MYT1L: variants seen among roughly 807,000 people sequenced by gnomAD.
The protein encoded by MYT1L is myelin transcription factor 1-like protein.
In MYT1L, 12 loss-of-function variants were observed where a neutral mutation model predicts 126.7. The ratio of observed to expected loss-of-function variants is 0.09; its 90% confidence interval spans 0.06 to 0.15. The LOEUF (loss-of-function observed/expected upper bound fraction) is 0.15, where lower values mean the gene tolerates loss of function less well. Among genes scored for constraint, MYT1L ranks in the 10% least tolerant of loss-of-function variants. The pLI, the probability that MYT1L is intolerant of heterozygous loss-of-function variation, is 1.00. For missense variants in MYT1L, 979 were observed against 1,585.2 expected, an observed-to-expected ratio of 0.62 and a Z score of 6.49; for synonymous variants, 541 against 604.2, an observed-to-expected ratio of 0.90 and a Z score of 1.53.
intron 2 of MYT1L, among the ~76,000 whole-genome samples, chr2:2,217,098 A>G (rs1314609850): frequency 6.6e-6 from 1 of 152,234 alleles, no homozygotes; most frequent in Non-Finnish European, 1.5e-5. Context: ...TCAAACATTC[A>G]ATAAATGAAT....
chr2:1,873,094 G>A (rs981872736), intron 18 of MYT1L, among the ~76,000 whole-genome samples: 5 of 152,302 alleles, frequency 3.3e-5, no homozygotes, highest in Middle Eastern at 3.4e-3. Flanking sequence ...TGCTGCTGAC[G>A]GGTGGAGAGA....
At chr2:2,162,640 G>A (rs1370300895) in intron 3 of MYT1L, among the ~76,000 whole-genome samples, 1 of 152,198 alleles carries the variant, frequency 6.6e-6, no homozygotes, top group Admixed American at 6.5e-5. Flanking sequence ...TCATGGCCCT[G>A]CTAATTTCTG....
chr2:2,076,672 A>T (rs1265777877), intron 3 of MYT1L, among the ~76,000 whole-genome samples: 1 of 152,246 alleles, frequency 6.6e-6, no homozygotes, highest in Non-Finnish European at 1.5e-5. Context: ...CTAAACTAGT[A>T]GCAACAAAAA....
chr2:1,818,233 G>A (rs1348008872), intron 21 of MYT1L, among the ~76,000 whole-genome samples: 2 of 152,090 alleles, frequency 1.3e-5, no homozygotes, highest in East Asian at 1.9e-4. Flanking sequence ...GAGAGGAGGT[G>A]GGAGTGTGTG....
intron 1 of MYT1L, among the ~76,000 whole-genome samples, chr2:2,318,588 A>G (rs976860805): frequency 2.0e-5 from 3 of 152,214 alleles, no homozygotes; most frequent in Non-Finnish European, 4.4e-5. Flanking sequence ...CAGCAAAACT[A>G]TCTCCATTCT....
intron 1 of MYT1L, among the ~76,000 whole-genome samples, chr2:2,295,609 C>CAGAG (rs1179841558): frequency 1.3e-4 from 1 of 7,968 alleles, no homozygotes; most frequent in African/African-American, 7.6e-4. Flanking sequence ...GAGAGACAGA[C>CAGAG]AGAGAGAGAG....
At chr2:2,123,253 C>T (rs191793093) in intron 3 of MYT1L, among the ~76,000 whole-genome samples, 46 of 152,186 alleles carry the variant, frequency 3.0e-4, no homozygotes, top group African/African-American at 8.4e-4. Context: ...CTGTGGGAGG[C>T]GGAATAATGC....
At chr2:2,039,013 G>A (rs953687811) in intron 4 of MYT1L, among the ~76,000 whole-genome samples, 1 of 152,152 alleles carries the variant, frequency 6.6e-6, no homozygotes, top group African/African-American at 2.4e-5. Context: ...CTGCCGATGA[G>A]GCACTGTCAC....
At chr2:2,252,101 T>C (rs1262733438) in intron 2 of MYT1L, among the ~76,000 whole-genome samples, 2 of 152,132 alleles carry the variant, frequency 1.3e-5, no homozygotes, top group Non-Finnish European at 2.9e-5. Flanking sequence ...TCTCCATTCC[T>C]CCTCTCAAGT....
At position 1,979,282 on chromosome 2, in the gene MYT1L, AAGCTTCCGTG is replaced by A; in HGVS notation, c.90-65_90-56del. The A allele has an allele frequency of 6.6e-7, 1 of 1,512,982 alleles. No individual in the cohort carries two copies. Among genetic ancestry groups the A allele is most frequent in the Non-Finnish European group, 9.2e-7 (1 of 1,092,398 alleles). The allele number at this position is 1,512,982 out of a possible 1,614,324, so 93.7% of individuals were successfully genotyped here. ...GCCGCAGGCAGGCAGGTGAGACGGA[AAGCTTCCGTG>A]GCAGCAGAGAGAAGGAGGGCGGCTC... On this transcript the variant is annotated intron_variant, in intron 7 of 24. Coordinates refer to ENST00000647738, the MANE Select transcript of MYT1L (RefSeq NM_001303052.2). This position sits in a 1 kb window ranked among gnomAD's most constrained non-coding sequence, Gnocchi z 4.0.
At chr2:2,316,842 G>T (rs189652575) in intron 1 of MYT1L, among the ~76,000 whole-genome samples, 3 of 151,142 alleles carry the variant, frequency 2.0e-5, no homozygotes, top group African/African-American at 4.9e-5. Context: ...ACAGAGTCTC[G>T]CTCTGTCACC....
chr2:2,040,388 A>G (rs2067396544), intron 4 of MYT1L, among the ~76,000 whole-genome samples: 1 of 152,238 alleles, frequency 6.6e-6, no homozygotes, highest in Admixed American at 6.5e-5. Context: ...GAAATCATCC[A>G]TGCAGATTAA....
chr2:2,086,639 GC>G (rs929850475), intron 3 of MYT1L, among the ~76,000 whole-genome samples: 2 of 152,104 alleles, frequency 1.3e-5, no homozygotes, highest in African/African-American at 4.8e-5. Context: ...GCTTCTGCCT[GC>G]CCTGCTGTTG....
intron 2 of MYT1L, among the ~76,000 whole-genome samples, chr2:2,227,279 G>A (rs1391576743): frequency 6.6e-6 from 1 of 152,082 alleles, no homozygotes; most frequent in Admixed American, 6.5e-5. Context: ...GACTCCCAAA[G>A]CGTATTTCTA....
In MYT1L at chr2:1,816,358, G is replaced by A. The variant is rs552993926; in HGVS notation, c.3081-7191C>T. On this transcript the variant is annotated intron_variant, in intron 21 of 24. Transcript: ENST00000647738. Reference sequence around the variant, plus strand: ...AGGCCCCGCGGATAGCAGTTGTGTGGTGCCTGGCAATTCCTGGCTCAGGAG... The same window carrying A: ...AGGCCCCGCGGATAGCAGTTGTGTGATGCCTGGCAATTCCTGGCTCAGGAG... 452 of 152,782 alleles carry A rather than the reference G, an allele frequency of 3.0e-3. 5 individuals are homozygous for A. Among genetic ancestry groups the A allele is most frequent in the Non-Finnish European group, 4.4e-3 (297 of 68,064 alleles). The allele number at this position is 152,782 out of a possible 1,614,324, so 9.5% of individuals were successfully genotyped here.
intron 9 of MYT1L, among the ~76,000 whole-genome samples, chr2:1,932,650 C>T (rs76778817): frequency 0.051 from 7,824 of 152,134 alleles, 311 homozygotes; most frequent in East Asian, 0.19. Flanking sequence ...ACGGACAGTA[C>T]GTGGGATGGG....
At chr2:1,948,227 A>G (rs2057415934) in intron 8 of MYT1L, among the ~76,000 whole-genome samples, 1 of 152,170 alleles carries the variant, frequency 6.6e-6, no homozygotes, top group Admixed American at 6.5e-5. Context: ...AACTTTTGGA[A>G]TCATCTGGCG....
intron 4 of MYT1L, among the ~76,000 whole-genome samples, chr2:2,031,933 T>C (rs1156968120): frequency 0.013 from 884 of 67,640 alleles, no homozygotes; most frequent in Middle Eastern, 0.041. Flanking sequence ...ATCCTGTGGC[T>C]CAGAGCAGAT....
chr2:2,189,643 TGTG>T (rs2092446455), intron 2 of MYT1L, among the ~76,000 whole-genome samples: 1 of 152,260 alleles, frequency 6.6e-6, no homozygotes, highest in Admixed American at 6.5e-5. Context: ...TAATTGTTAA[TGTG>T]GTAGCTATAA....
Sources: allele counts gnomAD v4.1 joint callset (sites outside exome capture counted in the v4.1 genomes callset), GRCh38; gene constraint gnomAD v4.1.1; non-coding constraint Gnocchi (gnomAD v3.1); transcripts MANE v1.5; gene names NCBI Gene and HGNC (gene_info 2026-07-23, HGNC 2026-07-21).